Variants in ANKRD13A observed in about 807,000 individuals in gnomAD.
ANKRD13A encodes ankyrin repeat domain 13A, also known as ankyrin repeat domain-containing protein 13A.
A neutral mutation model predicts 81.3 loss-of-function variants in ANKRD13A; 48 were observed. The ratio of observed to expected loss-of-function variants is 0.59; its 90% CI spans 0.47 to 0.75. The LOEUF is 0.75. Ranked by LOEUF, ANKRD13A falls within the 30% of genes least tolerant of loss-of-function variation. ANKRD13A has a pLI of 0.00. For synonymous variants in ANKRD13A, 230 were observed against 270.1 expected, an observed-to-expected ratio of 0.85 and a Z score of 1.45; for missense variants, 612 against 734.0, an observed-to-expected ratio of 0.83 and a Z score of 1.92.
At chr12:110,028,776 C>T (rs746740001) in intron 10 of ANKRD13A, 134 bp downstream of exon 10, 18 of 1,277,708 alleles carry the variant, frequency 1.4e-5, no homozygotes, top group South Asian at 4.3e-5. Context: ...CTCGCTCTGT[C>T]GCCTAGGCTG....
intron 3 of ANKRD13A, 120 bp from the exon 4 acceptor site, chr12:110,016,268 T>A (rs1159861901): frequency 3.9e-6 from 3 of 770,572 alleles, no homozygotes; most frequent in Non-Finnish European, 5.7e-6. Flanking sequence ...ATTTTATTTC[T>A]TCTTATTTTC....
chr12:110,025,845 C>T, intron 8 of ANKRD13A, 22 bp downstream of exon 8: 3 of 1,599,356 alleles, frequency 1.9e-6, no homozygotes, highest in Non-Finnish European at 2.6e-6. Flanking sequence ...CACCCTCCCA[C>T]CTCCTGTTTT....
intron 3 of ANKRD13A, among the ~76,000 whole-genome samples, chr12:110,014,789 C>CTTTTTTTTTTTTTTTTTTTTT (rs761398140): frequency 7.4e-6 from 1 of 135,708 alleles, no homozygotes; most frequent in African/African-American, 3.1e-5. Flanking sequence ...CATTTCTCTT[C>CTTTTTTTTTTTTTTTTTTTTT]TTTTTTTTTT....
intron 12 of ANKRD13A, among the ~76,000 whole-genome samples, chr12:110,031,375 A>G (rs972783617): frequency 1.3e-5 from 2 of 149,162 alleles, no homozygotes; most frequent in Non-Finnish European, 3.0e-5. Flanking sequence ...TTTTTTTCTC[A>G]GAGTCTCACT....
intron 13 of ANKRD13A, among the ~76,000 whole-genome samples, chr12:110,035,851 G>T (rs1892011804): frequency 6.6e-6 from 1 of 152,122 alleles, no homozygotes; most frequent in South Asian, 2.1e-4. Flanking sequence ...TGGGGTCAAG[G>T]CTGCAGTGAG....
At chr12:110,011,672 C>T (rs145012861) in intron 1 of ANKRD13A, among the ~76,000 whole-genome samples, 1 of 152,298 alleles carries the variant, frequency 6.6e-6, no homozygotes, top group East Asian at 1.9e-4. Flanking sequence ...CCGGTGATTG[C>T]ATTTCATGAA....
chr12:110,034,343 C>T (rs531621976), intron 13 of ANKRD13A, among the ~76,000 whole-genome samples: 1 of 152,204 alleles, frequency 6.6e-6, no homozygotes, highest in South Asian at 2.1e-4. Context: ...GGATTTGAAT[C>T]CCACTTCCTC....
Position 110,038,982 on chromosome 12 carries a change from C to G in ANKRD13A, c.*1428C>G, listed in dbSNP as rs75803899. 2 of 152,036 alleles carry G rather than the reference C, an allele frequency of 1.3e-5. No individual in the cohort carries two copies. Among genetic ancestry groups the G allele is most frequent in the Non-Finnish European group, 2.9e-5 (2 of 68,022 alleles). 9.4% of individuals were successfully genotyped at this position (152,036 alleles called of 1,614,324 possible). A position where few individuals can be genotyped will look rare whatever the true frequency, so the allele number is the denominator to read the frequency against. On this transcript the variant is annotated 3_prime_UTR_variant, in exon 15 of 15. Transcript: ENST00000261739. ...GAAACATAACTACTGTTCCAGGTAA[C>G]GTCTGTATCATACAGTTAGTGTTGC...
intron 1 of ANKRD13A, among the ~76,000 whole-genome samples, chr12:110,010,243 TC>T (rs1890448322): frequency 6.6e-6 from 1 of 152,196 alleles, no homozygotes; most frequent in South Asian, 2.1e-4. Context: ...GTTTCCCCTT[TC>T]CCATGATAAA....
rs1892205090 is a variant in ANKRD13A, at chr12:110,038,774, G to A, written c.*1220G>A. ...TACCTTTAGTAGTTAACTCTCTTTT[G>A]TCAAACCCTCTTGTATATAACCATC... On this transcript the variant is annotated 3_prime_UTR_variant, in exon 15 of 15. Coordinates refer to ENST00000261739, the MANE Select transcript of ANKRD13A (RefSeq NM_033121.2). The A allele has an allele frequency of 1.3e-5, 2 of 152,268 alleles. No homozygotes were observed. Among genetic ancestry groups the A allele is most frequent in the African/African-American group, 4.8e-5 (2 of 41,512 alleles). The allele number at this position is 152,268 out of a possible 1,614,324, so 9.4% of individuals were successfully genotyped here.
intron 3 of ANKRD13A, among the ~76,000 whole-genome samples, chr12:110,015,968 TC>T (rs1301779003): frequency 1.3e-5 from 2 of 151,380 alleles, no homozygotes; most frequent in Non-Finnish European, 1.5e-5. Context: ...TTTTTTTTTT[TC>T]CATACAGTAT....
intron 3 of ANKRD13A, among the ~76,000 whole-genome samples, chr12:110,015,051 C>T (rs1248560028): frequency 2.6e-5 from 4 of 152,138 alleles, no homozygotes; most frequent in Non-Finnish European, 5.9e-5. Context: ...GCTGGGATTA[C>T]AGGCGTGAGC....
intron 13 of ANKRD13A, among the ~76,000 whole-genome samples, chr12:110,035,445 AT>A (rs112223294): frequency 0.12 from 17,254 of 145,498 alleles, 1,495 homozygotes; most frequent in African/African-American, 0.25. Context: ...TATCTACCAA[AT>A]TTTTTTTTTT....
At chr12:110,004,321 G>A (rs1193317797) in intron 1 of ANKRD13A, among the ~76,000 whole-genome samples, 2 of 151,762 alleles carry the variant, frequency 1.3e-5, no homozygotes, top group East Asian at 2.0e-4. Context: ...GATCAGTTTC[G>A]AAAGTGAATT....
rs189748288 is a variant in ANKRD13A, at chr12:110,029,312, G to A, written c.1077-166G>A. 23 of 668,404 alleles carry A rather than the reference G, an allele frequency of 3.4e-5. No individual in the cohort carries two copies. In the East Asian group the frequency reaches 6.6e-4, roughly 19 times the overall value. The allele number at this position is 668,404 out of a possible 1,614,324, so 41.4% of individuals were successfully genotyped here. A position where few individuals can be genotyped will look rare whatever the true frequency, so the allele number is the denominator to read the frequency against. On this transcript the variant is annotated intron_variant, in intron 10 of 14. Transcript: ENST00000261739. ...TTATTGCCAGATTTTAGGGTGATGT[G>A]AATTCCTTGTGGCCCTAGACATTTG...
chr12:110,006,308 T>C (rs115705265), intron 1 of ANKRD13A, among the ~76,000 whole-genome samples: 10 of 152,230 alleles, frequency 6.6e-5, no homozygotes, highest in African/African-American at 2.2e-4. Flanking sequence ...CACATCCTTG[T>C]CAACACTTGG....
In ANKRD13A at chr12:110,024,085, A is replaced by G. The variant is rs760710748; in HGVS notation, c.774A>G (p.Ala258=). Residue 258 remains alanine (A), a synonymous_variant, in exon 7 of 15, where the codon GCA becomes GCG. Coordinates refer to ENST00000261739, the MANE Select transcript of ANKRD13A (RefSeq NM_033121.2). ...TCTGGGGCTGGAGGACAGATAAAGC[A>G]GAAGTTGTTAATGGTTACGAAGCAA... ...SGFWGWRTDK[A]EVVNGYEAKV... is the part of the protein sequence containing the mutation. The G allele has an allele frequency of 6.2e-7, 1 of 1,612,154 alleles. No individual in the cohort carries two copies. Among genetic ancestry groups the G allele is most frequent in the Non-Finnish European group, 8.5e-7 (1 of 1,179,580 alleles).
chr12:110,000,526 C>T (rs1202995053), intron 1 of ANKRD13A, among the ~76,000 whole-genome samples: 1 of 152,098 alleles, frequency 6.6e-6, no homozygotes, highest in Non-Finnish European at 1.5e-5. Flanking sequence ...CAGTAGTGCT[C>T]TCAGTTGGAG....
intron 4 of ANKRD13A, 138 bp downstream of exon 4, chr12:110,016,571 A>C: frequency 1.3e-6 from 1 of 766,550 alleles, no homozygotes; most frequent in South Asian, 2.5e-5. Flanking sequence ...AGGAAAAATA[A>C]TCACTGATAG....
Sources: allele counts gnomAD v4.1 joint callset (sites outside exome capture counted in the v4.1 genomes callset), GRCh38; gene constraint gnomAD v4.1.1; transcripts MANE v1.5; gene names NCBI Gene and HGNC (gene_info 2026-07-23, HGNC 2026-07-21).